OR56A3: variants seen among roughly 807,000 people sequenced by gnomAD.
The protein encoded by OR56A3 is olfactory receptor 56A3.
A neutral mutation model predicts 17.5 loss-of-function variants in OR56A3; 23 were observed. That is an observed-to-expected ratio of 1.32 (90% confidence interval 0.95 to 1.87). The LOEUF (loss-of-function observed/expected upper bound fraction) is 1.87. Ranked by LOEUF, OR56A3 falls within the 40% of genes most tolerant of loss-of-function variation. OR56A3 has a pLI of 0.00. For synonymous variants in OR56A3, 175 were observed against 150.6 expected (o/e 1.16, Z -1.19); for missense variants, 366 against 380.1 (o/e 0.96, Z 0.31).
the OR56A3 span, among the ~76,000 whole-genome samples, chr11:5,995,710 C>T: frequency 2.1e-4 from 32 of 152,142 alleles, no homozygotes; most frequent in African/African-American, 2.9e-4. Context: ...ATATACACTA[C>T]CTCACATAAC....
chr11:5,965,145 C>T, the OR56A3 span, among the ~76,000 whole-genome samples: 1 of 152,148 alleles, frequency 6.6e-6, no homozygotes, highest in South Asian at 2.1e-4. Context: ...GCTCCACTTT[C>T]CTCCCAAATA....
chr11:5,953,054 T>C (rs111488932), downstream of OR56A3, among the ~76,000 whole-genome samples: 7,010 of 152,282 alleles, frequency 0.046, 439 homozygotes, highest in African/African-American at 0.15. Flanking sequence ...CAGTCCACCA[T>C]TGATGGGCAC....
chr11:5,985,913 C>G, the OR56A3 span: 1 of 1,558,688 alleles, frequency 6.4e-7, no homozygotes, highest in Non-Finnish European at 8.7e-7. Flanking sequence ...AAGAAGCCTC[C>G]GAAGGAAACA....
the OR56A3 span, chr11:6,002,913 T>C: frequency 6.2e-7 from 1 of 1,614,028 alleles, no homozygotes; most frequent in Non-Finnish European, 8.5e-7. Context: ...CAACCAGTGC[T>C]GCCAGCTCTG....
At chr11:5,971,023 A>C in the OR56A3 span, among the ~76,000 whole-genome samples, 9 of 152,368 alleles carry the variant, frequency 5.9e-5, 1 homozygote, top group South Asian at 8.3e-4. Flanking sequence ...AGCCACGAGG[A>C]GAAGCTCAAG....
At chr11:6,020,302 G>T in the OR56A3 span, 1 of 151,994 alleles carries the variant, frequency 6.6e-6, no homozygotes, top group African/African-American at 2.4e-5. Flanking sequence ...CTCTTTTTTG[G>T]TTTCATATGA....
chr11:5,945,704 C>A (rs892719875), intron 2 of OR56A3, among the ~76,000 whole-genome samples: 3 of 151,742 alleles, frequency 2.0e-5, no homozygotes, highest in Non-Finnish European at 2.9e-5. Context: ...AGTTAAGAAC[C>A]TGGATTTTGA....
chr11:5,958,636 A>T, the OR56A3 span, among the ~76,000 whole-genome samples: 1 of 152,168 alleles, frequency 6.6e-6, no homozygotes, highest in African/African-American at 2.4e-5. Flanking sequence ...TGACTATGGC[A>T]TGACCTCCAC....
At chr11:5,962,428 T>C in the OR56A3 span, among the ~76,000 whole-genome samples, 10 of 152,196 alleles carry the variant, frequency 6.6e-5, no homozygotes, top group Non-Finnish European at 1.5e-4. Flanking sequence ...TGGAGAATTC[T>C]CTCCTCTTTA....
At chr11:5,994,242 G>T in the OR56A3 span, 1 of 557,278 alleles carries the variant, frequency 1.8e-6, no homozygotes, top group Non-Finnish European at 3.4e-6. Context: ...TCCAGTCCAG[G>T]TCTATCTCCA....
chr11:6,007,058 T>A, the OR56A3 span: 1 of 152,344 alleles, frequency 6.6e-6, no homozygotes, highest in South Asian at 2.1e-4. Context: ...GGCACCTGGA[T>A]CCTGGGGCCC....
the OR56A3 span, among the ~76,000 whole-genome samples, chr11:5,970,857 A>G: frequency 6.6e-6 from 1 of 152,142 alleles, no homozygotes; most frequent in Non-Finnish European, 1.5e-5. Context: ...TGTTGTTTTT[A>G]CAGTATCCAG....
chr11:6,009,545 C>T, the OR56A3 span, among the ~76,000 whole-genome samples: 4 of 152,218 alleles, frequency 2.6e-5, no homozygotes, highest in Admixed American at 6.5e-5. Context: ...CACACACATA[C>T]GTGTGAGCAC....
chr11:5,971,561 T>C, the OR56A3 span, among the ~76,000 whole-genome samples: 1 of 152,064 alleles, frequency 6.6e-6, no homozygotes, highest in African/African-American at 2.4e-5. Flanking sequence ...GTACTTAGTA[T>C]AAAGGATAAG....
At chr11:6,009,841 C>G in the OR56A3 span, among the ~76,000 whole-genome samples, 3 of 152,162 alleles carry the variant, frequency 2.0e-5, no homozygotes, top group Non-Finnish European at 4.4e-5. Flanking sequence ...CTACATTCTT[C>G]TGTGCAAATC....
At chr11:6,021,555 GTACTGA>G in the OR56A3 span, 2 of 152,068 alleles carry the variant, frequency 1.3e-5, no homozygotes, top group South Asian at 2.1e-4. Context: ...ATTATTTAAA[GTACTGA>G]TACTAATATT....
downstream of OR56A3, among the ~76,000 whole-genome samples, chr11:5,955,675 G>T (rs1172217168): frequency 6.6e-6 from 1 of 152,148 alleles, no homozygotes; most frequent in East Asian, 1.9e-4. Context: ...GGGATGGGCT[G>T]TCTGCATGCA....
the OR56A3 span, among the ~76,000 whole-genome samples, chr11:5,962,159 T>TTTTCA: frequency 6.6e-6 from 1 of 152,254 alleles, no homozygotes; most frequent in Admixed American, 6.5e-5. Context: ...TGATTTTTGT[T>TTTTCA]TTTCATTTTG....
At chr11:5,989,970 C>A in the OR56A3 span, among the ~76,000 whole-genome samples, 1 of 152,214 alleles carries the variant, frequency 6.6e-6, no homozygotes, top group Non-Finnish European at 1.5e-5. Flanking sequence ...TCATCTAATT[C>A]AACCCAAGCA....
Sources: gnomAD v4.1 joint callset for allele counts (sites outside exome capture counted in the v4.1 genomes callset) on GRCh38, gnomAD v4.1.1 for gene constraint, MANE v1.5 for transcripts, NCBI Gene and HGNC (gene_info 2026-07-23, HGNC 2026-07-21) for gene names.